The following UNC13C variants were observed in gnomAD, a reference collection of about 807,000 sequenced individuals.
The protein encoded by UNC13C is protein unc-13 homolog C.
In UNC13C, 174 loss-of-function variants were observed where a neutral mutation model predicts 245.4. The observed-to-expected ratio is 0.71, with a 90% confidence interval of 0.63 to 0.80. UNC13C has a LOEUF of 0.80. UNC13C is among the 30% of genes least tolerant of loss of function. The pLI, the probability that UNC13C is intolerant of heterozygous loss-of-function variation, is 0.00. For missense variants in UNC13C, 2,829 were observed against 2,602.9 expected, an observed-to-expected ratio of 1.09 and a Z score of -1.89; for synonymous variants, 992 against 895.1, an observed-to-expected ratio of 1.11 and a Z score of -1.93.
At chr15:54,032,317 G>A (rs1240498346) in intron 2 of UNC13C, among the ~76,000 whole-genome samples, 1 of 152,188 alleles carries the variant, frequency 6.6e-6, no homozygotes, top group Non-Finnish European at 1.5e-5. Context: ...CAGGTTGATA[G>A]GAAAACACTC....
intron 30 of UNC13C, among the ~76,000 whole-genome samples, chr15:54,580,138 T>G (rs1169073697): frequency 1.3e-5 from 2 of 152,188 alleles, no homozygotes; most frequent in African/African-American, 4.8e-5. Flanking sequence ...CCACCACGCC[T>G]GTTTTTGTTC....
the UNC13C span, among the ~76,000 whole-genome samples, chr15:53,870,103 C>T: frequency 3.3e-5 from 5 of 152,264 alleles, no homozygotes; most frequent in Admixed American, 1.3e-4. Context: ...CTTACAATGT[C>T]CCTTTTACAT....
At chr15:54,434,841 A>G (rs1341923516) in intron 19 of UNC13C, among the ~76,000 whole-genome samples, 1 of 152,176 alleles carries the variant, frequency 6.6e-6, no homozygotes, top group East Asian at 1.9e-4. Context: ...TCCATCTGAC[A>G]AAGGGCTAAT....
At chr15:54,602,609 T>C (rs1257541781) in intron 30 of UNC13C, among the ~76,000 whole-genome samples, 1 of 152,220 alleles carries the variant, frequency 6.6e-6, no homozygotes, top group East Asian at 1.9e-4. Flanking sequence ...TGTTTAAGTA[T>C]TTTAACCTTT....
At chr15:54,335,403 T>C (rs1432799276) in intron 16 of UNC13C, among the ~76,000 whole-genome samples, 1 of 152,200 alleles carries the variant, frequency 6.6e-6, no homozygotes, top group Non-Finnish European at 1.5e-5. Context: ...TCTCCTGTTA[T>C]TCTTTTTTCT....
intron 19 of UNC13C, among the ~76,000 whole-genome samples, chr15:54,453,491 C>G (rs977534325): frequency 6.6e-6 from 1 of 152,192 alleles, no homozygotes; most frequent in Non-Finnish European, 1.5e-5. Context: ...AATCCATAAC[C>G]TTCAGCTTTT....
chr15:54,017,652 A>G (rs1243405453), intron 2 of UNC13C, among the ~76,000 whole-genome samples: 1 of 152,202 alleles, frequency 6.6e-6, no homozygotes, highest in Admixed American at 6.5e-5. Flanking sequence ...TTCAACTTCT[A>G]AAAATTCCAA....
intron 30 of UNC13C, among the ~76,000 whole-genome samples, chr15:54,577,519 A>C (rs1898007280): frequency 6.6e-6 from 1 of 152,194 alleles, no homozygotes; most frequent in Non-Finnish European, 1.5e-5. Flanking sequence ...CAAGTGGTTC[A>C]GAGAGCAGGG....
chr15:54,609,154 A>C (rs1899940725), intron 30 of UNC13C, among the ~76,000 whole-genome samples: 1 of 152,028 alleles, frequency 6.6e-6, no homozygotes, highest in Non-Finnish European at 1.5e-5. Flanking sequence ...ATTTCTTTTC[A>C]TTTCATTTTT....
At chr15:54,303,502 T>A (rs1220809139) in intron 13 of UNC13C, among the ~76,000 whole-genome samples, 1 of 152,144 alleles carries the variant, frequency 6.6e-6, no homozygotes, top group Non-Finnish European at 1.5e-5. Context: ...CATGTTAATA[T>A]AGAAAAATGG....
chr15:54,512,463 T>C, intron 24 of UNC13C: 1 of 431,552 alleles, frequency 2.3e-6, no homozygotes, highest in South Asian at 1.7e-5. Flanking sequence ...ATTTTCTACT[T>C]ATTCCCATTT....
chr15:54,352,642 A>T (rs1442875564), intron 17 of UNC13C, among the ~76,000 whole-genome samples: 1 of 151,984 alleles, frequency 6.6e-6, no homozygotes, highest in East Asian at 1.9e-4. Context: ...TTTTGCTATC[A>T]CTCATAAGTG....
intron 19 of UNC13C, among the ~76,000 whole-genome samples, chr15:54,450,641 G>A (rs1250068122): frequency 6.6e-6 from 1 of 152,222 alleles, no homozygotes; most frequent in East Asian, 1.9e-4. Context: ...TAGGGTGGGA[G>A]TGACCCAATT....
chr15:54,126,468 A>G (rs2141204980), intron 2 of UNC13C, among the ~76,000 whole-genome samples: 1 of 152,336 alleles, frequency 6.6e-6, no homozygotes, highest in South Asian at 2.1e-4. Context: ...TGCAAAATAA[A>G]TAAAGCAAAA....
intron 2 of UNC13C, among the ~76,000 whole-genome samples, chr15:54,090,686 C>T (rs1036125855): frequency 1.3e-5 from 2 of 152,154 alleles, no homozygotes; most frequent in Non-Finnish European, 2.9e-5. Context: ...GGTTACTCAT[C>T]CCTTTTTCCA....
At chr15:54,069,758 G>A (rs1898234341) in intron 2 of UNC13C, among the ~76,000 whole-genome samples, 2 of 152,166 alleles carry the variant, frequency 1.3e-5, no homozygotes, top group South Asian at 4.1e-4. Flanking sequence ...TTGAACTATG[G>A]TGAAGTAGAT....
At chr15:54,549,856 T>G (rs1237254613) in intron 28 of UNC13C, among the ~76,000 whole-genome samples, 165 bp downstream of exon 28, 1 of 152,232 alleles carries the variant, frequency 6.6e-6, no homozygotes, top group Non-Finnish European at 1.5e-5. Context: ...TTGCAGCATT[T>G]AGCATTATTG....
At chr15:54,355,133 T>C (rs951534795) in intron 17 of UNC13C, among the ~76,000 whole-genome samples, 1 of 151,924 alleles carries the variant, frequency 6.6e-6, no homozygotes, top group Non-Finnish European at 1.5e-5. Context: ...CCCCTCAACC[T>C]TGGACTTCTC....
intron 2 of UNC13C, among the ~76,000 whole-genome samples, chr15:54,070,587 TA>T (rs1898275950): frequency 6.6e-6 from 1 of 152,182 alleles, no homozygotes; most frequent in Admixed American, 6.5e-5. Context: ...AGGTTTTTTT[TA>T]ATCCTAAAAA....
Sources: allele counts gnomAD v4.1 joint callset (sites outside exome capture counted in the v4.1 genomes callset), GRCh38; gene constraint gnomAD v4.1.1; transcripts MANE v1.5; gene names NCBI Gene and HGNC (gene_info 2026-07-23, HGNC 2026-07-21).